The following WASHC5 variants were observed in gnomAD, a reference collection of about 807,000 sequenced individuals.
WASHC5 encodes the protein WASH complex subunit 5.
Under a neutral mutation model 150.4 loss-of-function variants are expected in WASHC5, and 101 were observed. The observed-to-expected ratio is 0.67, with a 90% CI of 0.57 to 0.79. The LOEUF (loss-of-function observed/expected upper bound fraction) is 0.79. Among genes scored for constraint, WASHC5 ranks in the 30% least tolerant of loss-of-function variants. WASHC5 has a pLI of 0.00. For missense variants in WASHC5, 1,195 were observed against 1,396.3 expected (o/e 0.86, Z 2.30); for synonymous variants, 467 against 491.2 (o/e 0.95, Z 0.65).
rs368293350 is a variant in WASHC5 at position 125,059,383 on chromosome 8, T to C, written c.1681A>G (p.Ile561Val). Reference sequence around the variant, plus strand: ...TCAGGCTGCCTACATTACCTGTCAATCAACTGCCAAGCGAAAGAAAGGTCC... The same window carrying C: ...TCAGGCTGCCTACATTACCTGTCAACCAACTGCCAAGCGAAAGAAAGGTCC... ...VGDLSFAWQL[I>V]DSFTSIMQES... Residue 561 changes from isoleucine (I) to valine (V), a missense_variant, in exon 13 of 29, where the codon ATT (isoleucine) becomes GTT (valine). Physicochemically the swap from Ile to Val is conservative, Grantham distance 29. Coordinates refer to ENST00000318410, the MANE Select transcript of WASHC5 (RefSeq NM_014846.4). 7.6e-5 allele frequency: 123 copies of C among 1,614,056 alleles called. No homozygotes were observed. Among genetic ancestry groups the C allele is most frequent in the Non-Finnish European group, 1.0e-4 (119 of 1,180,040 alleles).
intron 9 of WASHC5, among the ~76,000 whole-genome samples, chr8:125,068,211 CT>C (rs1816804027): frequency 6.6e-6 from 1 of 152,192 alleles, no homozygotes; most frequent in Non-Finnish European, 1.5e-5. Context: ...TCACGAAGAG[CT>C]GCCATCATTT....
At chr8:125,063,815 A>G (rs552896085) in intron 10 of WASHC5, among the ~76,000 whole-genome samples, 164 bp from the exon 11 acceptor site, 1 of 152,304 alleles carries the variant, frequency 6.6e-6, no homozygotes, top group East Asian at 1.9e-4. Context: ...TACTTTGCAG[A>G]AATTCAGGGA....
intron 1 of WASHC5, among the ~76,000 whole-genome samples, chr8:125,090,793 T>C (rs1306620026): frequency 2.0e-5 from 3 of 152,180 alleles, no homozygotes; most frequent in African/African-American, 7.2e-5. Flanking sequence ...CTCAGTTCCA[T>C]AAAGGAAGCA....
intron 14 of WASHC5, among the ~76,000 whole-genome samples, chr8:125,057,940 C>A (rs1486911236): frequency 1.3e-5 from 2 of 152,056 alleles, no homozygotes; most frequent in Non-Finnish European, 2.9e-5. Flanking sequence ...TAGTCAGACA[C>A]CCTGGGGGTG....
At chr8:125,079,535 T>C (rs1817187426) in intron 5 of WASHC5, among the ~76,000 whole-genome samples, 3 of 152,108 alleles carry the variant, frequency 2.0e-5, no homozygotes, top group South Asian at 2.1e-4. Context: ...TGGGTATTCA[T>C]ACTATGTAAA....
At chr8:125,064,354 C>CACTACACCTGGTTAAT (rs1395271457) in intron 10 of WASHC5, among the ~76,000 whole-genome samples, 19 of 151,058 alleles carry the variant, frequency 1.3e-4, no homozygotes, top group South Asian at 1.3e-3. Context: ...GGGCATGCGC[C>CACTACACCTGGTTAAT]ACTACACCTG....
chr8:125,025,856 A>T (rs146922782), intron 28 of WASHC5, among the ~76,000 whole-genome samples: 404 of 152,068 alleles, frequency 2.7e-3, no homozygotes, highest in African/African-American at 8.9e-3. Context: ...ACACACACAC[A>T]CAATCAAAAT....
chr8:125,049,163 A>C lies in WASHC5; in HGVS notation c.2222T>G (p.Leu741Arg), dbSNP rs1276590519. ...RAKPSELMPK[L>R]KELGATMDGF... ...ATCCATGGTCGCTCCCAACTCTTTC[A>C]GCTTGGGCATCAATTCACTTGGCTG... The change falls in exon 19 of 29, where the codon CTG becomes CGG. Residue 741 changes from leucine to arginine, a missense_variant. This residue lies in a region of WASHC5 where 997 missense variants were observed against 1,168.1 expected (regional missense o/e 0.85). Transcript: ENST00000318410. The C allele has an allele frequency of 3.1e-6, 5 of 1,614,022 alleles. No homozygotes were observed. Among genetic ancestry groups the C allele is most frequent in the Non-Finnish European group, 3.4e-6 (4 of 1,180,018 alleles).
intron 9 of WASHC5, among the ~76,000 whole-genome samples, chr8:125,068,263 G>A (rs1816805298): frequency 6.6e-6 from 1 of 152,192 alleles, no homozygotes; most frequent in African/African-American, 2.4e-5. Flanking sequence ...TTAAATGATT[G>A]TACAAACAAC....
intron 23 of WASHC5, among the ~76,000 whole-genome samples, chr8:125,042,170 T>C (rs1041853835): frequency 6.6e-6 from 1 of 152,236 alleles, no homozygotes; most frequent in Non-Finnish European, 1.5e-5. Flanking sequence ...GAGAAACTTA[T>C]TCTACCTACT....
chr8:125,059,988 T>C (rs1029083101), intron 12 of WASHC5, among the ~76,000 whole-genome samples: 8 of 152,172 alleles, frequency 5.3e-5, no homozygotes, highest in African/African-American at 1.7e-4. Flanking sequence ...ATAATACAAG[T>C]GTGCAATTGT....
rs758034244 is a variant in WASHC5, at chr8:125,082,374, A to G, written c.417+9T>C. ...TTGAATTTCATTTTAAATAATCATT[A>G]TTACTTACTAGAAGTTGTTTTCCAT... On this transcript the variant is annotated intron_variant, in intron 4 of 28. Coordinates refer to ENST00000318410, the MANE Select transcript of WASHC5 (RefSeq NM_014846.4). The G allele has an allele frequency of 6.3e-6, 9 of 1,424,004 alleles. No individual in the cohort carries two copies. The East Asian group carries it at 1.8e-4, about 29-fold the overall frequency. 88.2% of individuals were successfully genotyped at this position (1,424,004 alleles called of 1,614,324 possible).
rs935566319 is a variant in WASHC5 at position 125,073,193 on chromosome 8, A to G, written c.1110T>C (p.Asn370=). The change falls in exon 9 of 29, where the codon AAT becomes AAC. Residue 370 remains asparagine, a synonymous_variant. Transcript: ENST00000318410. The stretch of plus-strand genomic sequence containing the variant: ...GAAGCATCAGCCATCGGATGGCAAC[A>G]TTGCAGTCTCTCAGGCAGTTCAGAA... The part of the protein sequence containing the change: ...PKLLNCLRDC[N]VAIRWLMLHT... The G allele has an allele frequency of 2.5e-6, 4 of 1,614,010 alleles. No individual in the cohort carries two copies. In the African/African-American group the frequency reaches 5.3e-5, roughly 22 times the overall value.
intron 10 of WASHC5, among the ~76,000 whole-genome samples, chr8:125,065,886 G>C (rs1157937890): frequency 6.6e-6 from 1 of 152,122 alleles, no homozygotes; most frequent in East Asian, 1.9e-4. Flanking sequence ...CAAAGTGCTG[G>C]GATTACAGGT....
In WASHC5 at chr8:125,082,413, C is replaced by T. The variant is rs2130212517; in HGVS notation, c.387G>A (p.Val129=). 6.3e-7 allele frequency: 1 copy of T among 1,591,246 alleles called. No individual in the cohort carries two copies. The highest frequency in any genetic ancestry group is 2.2e-5 in the East Asian group (1 of 44,646). Residue 129 remains valine (V), a synonymous_variant, in exon 4 of 29, where the codon GTG becomes GTA. Transcript: ENST00000318410. ...GTTGTTTTCCATCTTCATTGAGAAG[C>T]ACAGTTTCTAAGGTTTGCTGAATAT... ...GVYIQQTLET[V]LLNEDGKQLL...
At position 125,080,007 on chromosome 8, in the gene WASHC5, C is replaced by T. The variant is rs150133123; in HGVS notation, c.519-1077G>A. ...AAAATATATCTAACTTTTTTCTTGG[C>T]AAGCTGTTCCTTCTACAGAGATCTA... On this transcript the variant is annotated intron_variant, in intron 5 of 28. Coordinates refer to ENST00000318410, the MANE Select transcript of WASHC5 (RefSeq NM_014846.4). Among the ~76,000 whole-genome samples, 253 of 152,194 alleles carry T rather than the reference C, an allele frequency of 1.7e-3. 1 individual carries two copies. The highest frequency in any genetic ancestry group is 5.9e-3 in the African/African-American group (245 of 41,536).
intron 20 of WASHC5, 133 bp downstream of exon 20, chr8:125,047,074 C>A: frequency 9.1e-7 from 1 of 1,094,720 alleles, no homozygotes; most frequent in Admixed American, 1.8e-5. Flanking sequence ...GGGACCCTTG[C>A]CCTAAAGGGT....
intron 27 of WASHC5, among the ~76,000 whole-genome samples, chr8:125,031,242 T>C (rs1255913657): frequency 2.6e-5 from 4 of 152,090 alleles, no homozygotes; most frequent in East Asian, 1.9e-4. Flanking sequence ...TAGGACTTAG[T>C]AGTATTTTGT....
intron 6 of WASHC5, among the ~76,000 whole-genome samples, 156 bp from the exon 7 acceptor site, chr8:125,076,656 A>T (rs1817070992): frequency 6.6e-6 from 1 of 150,984 alleles, no homozygotes; most frequent in Non-Finnish European, 1.5e-5. Context: ...AGACTGTACC[A>T]TTGCTTGCCA....
Sources: gnomAD v4.1 joint callset for allele counts (sites outside exome capture counted in the v4.1 genomes callset) on GRCh38, gnomAD v4.1.1 for gene constraint, gnomAD v4.1.1 regional missense constraint, MANE v1.5 for transcripts, NCBI Gene and HGNC (gene_info 2026-07-23, HGNC 2026-07-21) for gene names.